The following COL2A1 variants were observed in gnomAD, a reference collection of about 807,000 sequenced individuals.
The protein encoded by COL2A1 is collagen alpha-1(II) chain.
In COL2A1, 28 loss-of-function variants were observed where a neutral mutation model predicts 204.5. The ratio of observed to expected loss-of-function variants is 0.14; its 90% CI spans 0.10 to 0.19. The LOEUF is 0.19. COL2A1 is among the 10% of genes least tolerant of loss of function. The pLI is 1.00. For synonymous variants in COL2A1, 708 were observed against 718.7 expected (o/e 0.99, Z 0.24); for missense variants, 1,388 against 2,027.5 (o/e 0.68, Z 6.06).
Position 47,987,383 on chromosome 12 carries a change from C to T in COL2A1, c.1222-70G>A. 6.5e-7 allele frequency: 1 copy of T among 1,534,650 alleles called. No individual in the cohort carries two copies. The highest frequency in any genetic ancestry group is 9.0e-7 in the Non-Finnish European group (1 of 1,111,388). On this transcript the variant is annotated intron_variant, in intron 19 of 53. Transcript: ENST00000380518. This position sits in a 1 kb window ranked among gnomAD's most constrained non-coding sequence, Gnocchi z 4.1. ...CAACCACCTCCAGCCCTCCAGGATCCAGATCCAGGGACCTGGCATAGGTGC... is the reference window on the plus strand; with the variant it reads ...CAACCACCTCCAGCCCTCCAGGATCTAGATCCAGGGACCTGGCATAGGTGC...
chr12:47,981,300 AG>A lies in COL2A1; in HGVS notation c.2463+42del, dbSNP rs1939066555. 4.4e-6 allele frequency: 7 copies of A among 1,601,334 alleles called. No individual in the cohort carries two copies. In the African/African-American group the frequency reaches 6.7e-5, roughly 15 times the overall value. On this transcript the variant is annotated intron_variant, in intron 37 of 53. Coordinates refer to ENST00000380518, the MANE Select transcript of COL2A1 (RefSeq NM_001844.5). ...CTGACTCCCTGGCTCTCTGGTTCCC[AG>A]GGGCCTCGGGCAGAGCCAGGCTCAG... is the stretch of plus-strand genomic sequence containing the variant.
intron 16 of COL2A1, among the ~76,000 whole-genome samples, chr12:47,990,072 T>C (rs1939636012): frequency 6.6e-6 from 1 of 152,152 alleles, no homozygotes; most frequent in African/African-American, 2.4e-5. Flanking sequence ...AGTGGTGCGG[T>C]CTTGGCTCAC....
intron 37 of COL2A1, 104 bp from the exon 38 acceptor site, chr12:47,981,072 G>A (rs1258206539): frequency 4.1e-6 from 5 of 1,212,614 alleles, no homozygotes; most frequent in East Asian, 5.1e-5. Flanking sequence ...CTGTTCCCCA[G>A]AGACGGGGAT....
Position 47,985,949 on chromosome 12 carries a change from C to T in COL2A1, c.1544G>A (p.Arg515His), listed in dbSNP as rs1326204674. 16 of 1,551,556 alleles carry T rather than the reference C, an allele frequency of 1.0e-5. No individual in the cohort carries two copies. Among genetic ancestry groups the T allele is most frequent in the Non-Finnish European group, 1.1e-5 (13 of 1,147,030 alleles). Residue 515 changes from arginine (R) to histidine (H), a missense_variant, in exon 24 of 54, where the codon CGC becomes CAC. Arg to His is a conservative substitution (Grantham distance 29). Coordinates refer to ENST00000380518, the MANE Select transcript of COL2A1 (RefSeq NM_001844.5). ...CAGACCATCTTGACCTGGGAAACCGCGGTTGCCGGGAGCACCCTAAGGAGC... is the reference window on the plus strand; with the variant it reads ...CAGACCATCTTGACCTGGGAAACCGTGGTTGCCGGGAGCACCCTAAGGAGC... ...PPGERGAPGN[R>H]GFPGQDGLAG... is the part of the protein sequence containing the mutation.
Position 47,982,876 on chromosome 12 carries a change from G to A in COL2A1, c.2165C>T (p.Pro722Leu). 6.2e-7 allele frequency: 1 copy of A among 1,612,618 alleles called. No homozygotes were observed. Among genetic ancestry groups the A allele is most frequent in the Non-Finnish European group, 8.5e-7 (1 of 1,179,890 alleles). ...AQGLQGPRGL[P>L]GTPGTDGPKG... Reference sequence around the variant, plus strand: ...GGGACCATCAGTGCCAGGAGTGCCGGGGAGGCCACGGGGACCCTGGAGGCC... The same window carrying A: ...GGGACCATCAGTGCCAGGAGTGCCGAGGAGGCCACGGGGACCCTGGAGGCC... The change falls in exon 33 of 54, where the codon CCC becomes CTC. Residue 722 changes from proline to leucine, a missense_variant. Pro to Leu is a moderately conservative substitution (Grantham distance 98, BLOSUM62 -3). Transcript: ENST00000380518.
chr12:47,980,172 T>G lies in COL2A1; in HGVS notation c.2626-110A>C. 9.5e-7 allele frequency: 1 copy of G among 1,047,424 alleles called. No homozygotes were observed. Among genetic ancestry groups the G allele is most frequent in the Non-Finnish European group, 1.4e-6 (1 of 690,986 alleles). 64.9% of individuals were successfully genotyped at this position (1,047,424 alleles called of 1,614,324 possible). On this transcript the variant is annotated intron_variant, in intron 39 of 53. Coordinates refer to ENST00000380518, the MANE Select transcript of COL2A1 (RefSeq NM_001844.5). The surrounding 1 kb of genome is among the most constrained non-coding windows in gnomAD (Gnocchi z 4.5). The stretch of plus-strand genomic sequence containing the variant: ...GAGGTTTTCGAAGATGCAGCTTTCT[T>G]GGCACTAAAAACCCAGCCTGAAGAG...
upstream of COL2A1, among the ~76,000 whole-genome samples, chr12:48,004,801 C>CT (rs1208319537): frequency 6.6e-6 from 1 of 152,226 alleles, no homozygotes; most frequent in Admixed American, 6.5e-5. Flanking sequence ...CGGCCCCTCC[C>CT]CTCGGAGTTC....
In COL2A1 at chr12:47,980,685, G is replaced by A. The variant is rs756702514; in HGVS notation, c.2518-24C>T. 3 of 1,596,766 alleles carry A rather than the reference G, an allele frequency of 1.9e-6. No homozygotes were observed. Among genetic ancestry groups the A allele is most frequent in the East Asian group, 2.2e-5 (1 of 44,464 alleles). ...CCCTATAATGGGAAGGAGGAAGCAG[G>A]TGAATGAGGGGCAGGCTAAAACCCT... On this transcript the variant is annotated intron_variant, in intron 38 of 53. Transcript: ENST00000380518. This position sits in a 1 kb window ranked among gnomAD's most constrained non-coding sequence, Gnocchi z 4.5.
At chr12:47,993,943 C>T (rs1939826894) in intron 13 of COL2A1, 51 bp downstream of exon 13, 1 of 1,613,486 alleles carries the variant, frequency 6.2e-7, no homozygotes, top group Non-Finnish European at 8.5e-7. Flanking sequence ...AAGTGCTTTT[C>T]TCTCCCACCA....
rs751879186 is a variant in COL2A1 at position 47,973,458 on chromosome 12, T to C, written c.4413A>G (p.Gly1471=). ...PIIDIAPMDI[G]GPEQEFGVDI... is the part of the protein sequence containing the mutation. ...CCACACCGAATTCCTGCTCGGGCCCTCCTATGTCCATGGGTGCAATGTCAA... is the reference window on the plus strand; with the variant it reads ...CCACACCGAATTCCTGCTCGGGCCCCCCTATGTCCATGGGTGCAATGTCAA... The change falls in exon 54 of 54, where the codon GGA becomes GGG. Residue 1471 remains glycine, a synonymous_variant. Transcript: ENST00000380518. 6.2e-7 allele frequency: 1 copy of C among 1,614,008 alleles called. No homozygotes were observed. Among genetic ancestry groups the C allele is most frequent in the Non-Finnish European group, 8.5e-7 (1 of 1,179,986 alleles).
At chr12:47,979,433 G>A in intron 41 of COL2A1, 78 bp downstream of exon 41, 1 of 1,483,642 alleles carries the variant, frequency 6.7e-7, no homozygotes. Context: ...CCAGCCTGGA[G>A]CTCTCCAGAC....
At chr12:47,982,191 C>A in intron 34 of COL2A1, 31 bp from the exon 35 acceptor site, 1 of 1,600,350 alleles carries the variant, frequency 6.2e-7, no homozygotes, top group Non-Finnish European at 8.6e-7. Flanking sequence ...CCGCCTCAGC[C>A]AGGCACCCCA....
intron 8 of COL2A1, 64 bp downstream of exon 8, chr12:47,996,484 C>T: frequency 7.6e-7 from 1 of 1,322,230 alleles, no homozygotes; most frequent in East Asian, 2.3e-5. Flanking sequence ...TTGTCAGACT[C>T]TCTGGCTCTG....
chr12:47,986,758 G>A (rs923718734), intron 22 of COL2A1, 77 bp downstream of exon 22: 32 of 1,516,228 alleles, frequency 2.1e-5, no homozygotes, highest in Non-Finnish European at 2.7e-5. Flanking sequence ...GGAGGGAGGT[G>A]GTGGGTCAGT....
rs2136508315 is a variant in COL2A1 at position 47,974,737 on chromosome 12, T to C, written c.4012A>G (p.Ser1338Gly). 6.2e-7 allele frequency: 1 copy of C among 1,614,218 alleles called. No individual in the cohort carries two copies. Among genetic ancestry groups the C allele is most frequent in the South Asian group, 1.1e-5 (1 of 91,084 alleles). ...TGTTTCTTCTCCTTGCTCTTGCTGC[T>C]CCACCAGTTCTTCTTGGGAACGTTT... ...PANVPKKNWW[S>G]SKSKEKKHIW... Residue 1338 changes from serine to glycine, a missense_variant, in exon 52 of 54, where the codon AGC becomes GGC. Coordinates refer to ENST00000380518, the MANE Select transcript of COL2A1 (RefSeq NM_001844.5).
intron 18 of COL2A1, among the ~76,000 whole-genome samples, chr12:47,988,008 T>C (rs1463455937): frequency 1.3e-5 from 2 of 152,224 alleles, no homozygotes; most frequent in Non-Finnish European, 2.9e-5. Flanking sequence ...GGCAACCTGC[T>C]GTTCCATCGA....
In COL2A1 at chr12:47,975,909, G is replaced by T. The variant is rs968596067; in HGVS notation, c.3597+54C>A. 1.1e-5 allele frequency: 15 copies of T among 1,380,974 alleles called. No homozygotes were observed. In the African/African-American group the frequency reaches 1.6e-4, roughly 14 times the overall value. The allele number at this position is 1,380,974 out of a possible 1,614,324, so 85.5% of individuals were successfully genotyped here. A position where few individuals can be genotyped will look rare whatever the true frequency, so the allele number is the denominator to read the frequency against. Reference sequence around the variant, plus strand: ...AGGCCCTGAGCAAAAAAGAGCTCAAGCCTCCCGGATGGTAGGGACACCTCG... The same window carrying T: ...AGGCCCTGAGCAAAAAAGAGCTCAATCCTCCCGGATGGTAGGGACACCTCG... On this transcript the variant is annotated intron_variant, in intron 50 of 53. Transcript: ENST00000380518.
At chr12:48,001,457 A>C (rs1411321927) in intron 1 of COL2A1, among the ~76,000 whole-genome samples, 1 of 152,250 alleles carries the variant, frequency 6.6e-6, no homozygotes, top group Non-Finnish European at 1.5e-5. Flanking sequence ...AGTGGAATGC[A>C]GGCGGTGAGG....
In COL2A1 at chr12:47,992,772, A is replaced by C; in HGVS notation, c.1023+106T>G. ...TGGGGGTGAATTCTTAAGGGATAAC[A>C]ATACTCCCTATGCCTCACAGGGTTG... is the stretch of plus-strand genomic sequence containing the variant. On this transcript the variant is annotated intron_variant, in intron 16 of 53. Coordinates refer to ENST00000380518, the MANE Select transcript of COL2A1 (RefSeq NM_001844.5). 2.6e-6 allele frequency: 3 copies of C among 1,167,930 alleles called. No individual in the cohort carries two copies. The Middle Eastern group carries it at 5.8e-4, about 225-fold the overall frequency. 72.3% of individuals were successfully genotyped at this position (1,167,930 alleles called of 1,614,324 possible).
Sources: allele counts gnomAD v4.1 joint callset (sites outside exome capture counted in the v4.1 genomes callset), GRCh38; gene constraint gnomAD v4.1.1; non-coding constraint Gnocchi (gnomAD v3.1); transcripts MANE v1.5; gene names NCBI Gene and HGNC (gene_info 2026-07-23, HGNC 2026-07-21).